EFCAB6: variants seen among roughly 807,000 people sequenced by gnomAD.
The protein encoded by EFCAB6 is EF-hand calcium binding domain 6.
EFCAB6 carries 156 observed loss-of-function variants against 169.8 expected under a neutral mutation model. That is an observed-to-expected ratio of 0.92 (90% CI 0.81 to 1.05). EFCAB6 has a LOEUF of 1.05. Among genes scored for constraint, EFCAB6 ranks in the 50% least tolerant of loss-of-function variants. EFCAB6 has a pLI of 0.00. For missense variants in EFCAB6, 1,800 were observed against 1,829.1 expected, an observed-to-expected ratio of 0.98 and a Z score of 0.29; for synonymous variants, 698 against 676.4, an observed-to-expected ratio of 1.03 and a Z score of -0.50.
chr22:43,600,312 T>C (rs1229196899), intron 22 of EFCAB6, 49 bp from the exon 23 acceptor site: 1 of 1,580,354 alleles, frequency 6.3e-7, no homozygotes, highest in Non-Finnish European at 8.6e-7. Flanking sequence ...GCCAGTAAGG[T>C]GTGCTGATGC....
intron 21 of EFCAB6, among the ~76,000 whole-genome samples, chr22:43,612,581 C>T (rs557778143): frequency 1.6e-4 from 25 of 152,260 alleles, no homozygotes; most frequent in African/African-American, 5.3e-4. Context: ...CCATCTCACA[C>T]CAGTCAGAAT....
chr22:43,542,269 C>G (rs2047778407), intron 27 of EFCAB6, among the ~76,000 whole-genome samples: 1 of 152,348 alleles, frequency 6.6e-6, no homozygotes, highest in South Asian at 2.1e-4. Flanking sequence ...CTGGGGCTGG[C>G]CAACTCCCTA....
chr22:43,758,793 C>A (rs774463767), intron 5 of EFCAB6, among the ~76,000 whole-genome samples: 2 of 152,218 alleles, frequency 1.3e-5, no homozygotes, highest in Non-Finnish European at 2.9e-5. Context: ...ATGTCTTTAA[C>A]CCTCAGTTTT....
intron 10 of EFCAB6, among the ~76,000 whole-genome samples, chr22:43,690,358 AAAAAAAAAT>A (rs1442909072): frequency 7.5e-6 from 1 of 133,812 alleles, no homozygotes; most frequent in African/African-American, 2.7e-5. Flanking sequence ...AAAAAAAAAA[AAAAAAAAAT>A]TAGCCGGGCA....
At chr22:43,675,581 TATG>T (rs1456488475) in intron 13 of EFCAB6, among the ~76,000 whole-genome samples, 30 of 144,778 alleles carry the variant, frequency 2.1e-4, no homozygotes, top group African/African-American at 6.1e-4. Context: ...AGTATATTTA[TATG>T]ATAATTATAC....
At chr22:43,590,370 G>C in intron 23 of EFCAB6, 141 bp from the exon 24 acceptor site, 1 of 839,776 alleles carries the variant, frequency 1.2e-6, no homozygotes, top group Non-Finnish European at 1.7e-6. Flanking sequence ...TACAGCCTCA[G>C]TGTAATACTG....
intron 22 of EFCAB6, among the ~76,000 whole-genome samples, chr22:43,602,440 G>C (rs1427392796): frequency 6.6e-6 from 1 of 152,190 alleles, no homozygotes; most frequent in Non-Finnish European, 1.5e-5. Flanking sequence ...CCTGTTGCTG[G>C]TAATGCTAAG....
rs1163992954 is a variant in EFCAB6 at position 43,668,981 on chromosome 22, T to C, written c.1705A>G (p.Ile569Val). The C allele has an allele frequency of 1.9e-6, 3 of 1,613,204 alleles. No homozygotes were observed. Among genetic ancestry groups the C allele is most frequent in the Non-Finnish European group, 2.5e-6 (3 of 1,179,602 alleles). The change falls in exon 16 of 32, where the codon ATA becomes GTA. Residue 569 changes from isoleucine to valine, a missense_variant. Coordinates refer to ENST00000262726, the MANE Select transcript of EFCAB6 (RefSeq NM_022785.4). ...ACAGTGGGTGGGCCATCAATTCCTA[T>C]GCATGCCAAAAGTTTCTTGTAAAGG... ...RILYKKLLAC[I>V]GIDGPPTVSP...
At chr22:43,673,386 C>T (rs1013942605) in intron 13 of EFCAB6, among the ~76,000 whole-genome samples, 31 of 151,838 alleles carry the variant, frequency 2.0e-4, no homozygotes, top group African/African-American at 7.5e-4. Flanking sequence ...TAGAGTAATA[C>T]AAAAAAGCAA....
At chr22:43,748,594 A>C (rs2060646141) in intron 6 of EFCAB6, among the ~76,000 whole-genome samples, 1 of 152,070 alleles carries the variant, frequency 6.6e-6, no homozygotes, top group African/African-American at 2.4e-5. Context: ...CTTTTCTACA[A>C]AACTTTCTTT....
chr22:43,667,113 G>A lies in EFCAB6; in HGVS notation c.1974C>T (p.Asp658=), dbSNP rs769576380. Residue 658 remains aspartate, a synonymous_variant, in exon 17 of 32, where the codon GAC becomes GAT. Coordinates refer to ENST00000262726, the MANE Select transcript of EFCAB6 (RefSeq NM_022785.4). ...KEPNGKINVH[D]FKKVLEDTGM... is the part of the protein sequence containing the mutation. The stretch of plus-strand genomic sequence containing the variant: ...AAACCCATTCTCCTACCTTCTTAAA[G>A]TCATGCACGTTAATTTTTCCATTAG... The A allele has an allele frequency of 2.4e-5, 39 of 1,613,852 alleles. No individual in the cohort carries two copies. Among genetic ancestry groups the A allele is most frequent in the Middle Eastern group, 1.7e-4 (1 of 6,060 alleles).
chr22:43,579,845 T>C (rs1207482932), intron 25 of EFCAB6, among the ~76,000 whole-genome samples: 2 of 146,916 alleles, frequency 1.4e-5, no homozygotes, highest in Non-Finnish European at 3.0e-5. Flanking sequence ...ATTCTCTATA[T>C]GCAGGCATTA....
chr22:43,590,709 G>A (rs534207489), intron 23 of EFCAB6, among the ~76,000 whole-genome samples: 1 of 149,856 alleles, frequency 6.7e-6, no homozygotes, highest in Admixed American at 6.6e-5. Context: ...AGAAGACAGA[G>A]GTACAGCACG....
intron 31 of EFCAB6, 69 bp from the exon 32 acceptor site, chr22:43,529,044 G>GAA: frequency 6.7e-7 from 1 of 1,491,202 alleles, no homozygotes; most frequent in Non-Finnish European, 9.1e-7. Flanking sequence ...AGGCTGCCAG[G>GAA]AAGGGGCTGG....
intron 22 of EFCAB6, among the ~76,000 whole-genome samples, chr22:43,602,984 T>G (rs374485508): frequency 6.6e-6 from 1 of 151,706 alleles, no homozygotes; most frequent in Admixed American, 6.6e-5. Flanking sequence ...AACTATGGTT[T>G]AATCATTTTT....
chr22:43,663,798 G>A (rs370434019), intron 17 of EFCAB6, among the ~76,000 whole-genome samples: 3 of 152,206 alleles, frequency 2.0e-5, no homozygotes, highest in Non-Finnish European at 4.4e-5. Flanking sequence ...TCTTGCTGCC[G>A]TGAGAAGTCT....
chr22:43,649,392 C>G (rs1362188187), intron 17 of EFCAB6, among the ~76,000 whole-genome samples: 1 of 152,042 alleles, frequency 6.6e-6, no homozygotes, highest in Non-Finnish European at 1.5e-5. Context: ...AGCTATAATG[C>G]CTATTGCTTA....
At chr22:43,775,524 C>T in intron 3 of EFCAB6, among the ~76,000 whole-genome samples, 1 of 152,158 alleles carries the variant, frequency 6.6e-6, no homozygotes, top group East Asian at 1.9e-4. Context: ...CTCACTGCAA[C>T]CTCCACCTCC....
chr22:43,740,014 C>A (rs533295799), intron 6 of EFCAB6, among the ~76,000 whole-genome samples: 2 of 150,996 alleles, frequency 1.3e-5, no homozygotes, highest in African/African-American at 2.5e-5. Flanking sequence ...ACCTGCCCCC[C>A]ACCTGCTGCT....
Sources: allele counts gnomAD v4.1 joint callset (sites outside exome capture counted in the v4.1 genomes callset), GRCh38; gene constraint gnomAD v4.1.1; transcripts MANE v1.5; gene names NCBI Gene and HGNC (gene_info 2026-07-23, HGNC 2026-07-21).